DNAJC5B: variants seen among roughly 807,000 people sequenced by gnomAD.
The protein encoded by DNAJC5B is dnaJ homolog subfamily C member 5B.
DNAJC5B carries 23 observed loss-of-function variants against 24.7 expected under a neutral mutation model. That is an observed-to-expected ratio of 0.93 (90% confidence interval 0.67 to 1.32). The LOEUF (loss-of-function observed/expected upper bound fraction) is 1.32. DNAJC5B is among the 40% of genes most tolerant of loss of function. The probability of loss-of-function intolerance (pLI) is 0.00; values close to 1 mark genes in which losing one functional copy is unlikely to be tolerated. For synonymous variants in DNAJC5B, 101 were observed against 90.1 expected, an observed-to-expected ratio of 1.12 and a Z score of -0.68; for missense variants, 238 against 240.8, an observed-to-expected ratio of 0.99 and a Z score of 0.08.
intron 4 of DNAJC5B, among the ~76,000 whole-genome samples, chr8:66,077,604 T>C (rs1807496207): frequency 6.6e-6 from 1 of 152,226 alleles, no homozygotes; most frequent in East Asian, 1.9e-4. Context: ...ACATGGGTCA[T>C]ACATGTAGTC....
At chr8:66,093,187 G>A (rs551903961) in intron 5 of DNAJC5B, among the ~76,000 whole-genome samples, 5 of 152,170 alleles carry the variant, frequency 3.3e-5, no homozygotes, top group East Asian at 1.9e-4. Flanking sequence ...CATTACAAAC[G>A]GTGCTGTTAT....
At chr8:66,074,248 G>A (rs185118623) in intron 3 of DNAJC5B, among the ~76,000 whole-genome samples, 3 of 152,326 alleles carry the variant, frequency 2.0e-5, no homozygotes, top group Admixed American at 1.3e-4. Context: ...AGGTGACTCA[G>A]AGACTGGTAG....
intron 3 of DNAJC5B, chr8:66,056,768 C>T (rs1465630333): frequency 1.3e-5 from 2 of 152,226 alleles, no homozygotes; most frequent in Non-Finnish European, 2.9e-5. Flanking sequence ...AAAATCACAA[C>T]TTGAATAAGA....
At chr8:66,029,872 G>A (rs183539324) in intron 1 of DNAJC5B, among the ~76,000 whole-genome samples, 2 of 152,226 alleles carry the variant, frequency 1.3e-5, no homozygotes, top group African/African-American at 2.4e-5. Flanking sequence ...TGACAGTGAG[G>A]GTGGGGGTGG....
At chr8:66,079,581 T>G (rs1421311111) in intron 4 of DNAJC5B, among the ~76,000 whole-genome samples, 1 of 152,104 alleles carries the variant, frequency 6.6e-6, no homozygotes, top group African/African-American at 2.4e-5. Flanking sequence ...AGCAGAGTTA[T>G]AAGGCAATGA....
At chr8:66,035,909 T>C (rs1447607424) in intron 1 of DNAJC5B, among the ~76,000 whole-genome samples, 1 of 152,176 alleles carries the variant, frequency 6.6e-6, no homozygotes, top group East Asian at 1.9e-4. Flanking sequence ...CTCCAGCACA[T>C]GTTTTCTTTA....
chr8:66,016,627 G>A (rs1170039526), upstream of DNAJC5B, among the ~76,000 whole-genome samples: 2 of 152,134 alleles, frequency 1.3e-5, no homozygotes, highest in African/African-American at 4.8e-5. Flanking sequence ...CTCTGCAAAA[G>A]GCCCCACCTC....
rs375321443 is a variant in DNAJC5B, at chr8:66,094,315, G to A, written c.506-5622G>A. 8.7e-4 allele frequency among the ~76,000 whole-genome samples: 132 copies of A among 151,782 alleles called. 5 individuals carry two copies. In the South Asian group the frequency reaches 0.027, roughly 31 times the overall value. On this transcript the variant is annotated intron_variant, in intron 5 of 5. Transcript: ENST00000276570. ...ATCTGAGTCTTTTAATATGTGACATGGTATATTTCACCATTTATTAGCTTT... is the reference window on the plus strand; with the variant it reads ...ATCTGAGTCTTTTAATATGTGACATAGTATATTTCACCATTTATTAGCTTT...
At chr8:66,015,393 T>C in the DNAJC5B span, among the ~76,000 whole-genome samples, 1 of 152,148 alleles carries the variant, frequency 6.6e-6, no homozygotes, top group Non-Finnish European at 1.5e-5. Context: ...AAAGGAAATG[T>C]AGTAGATCAT....
intron 5 of DNAJC5B, among the ~76,000 whole-genome samples, chr8:66,098,341 C>A (rs1807999604): frequency 6.6e-6 from 1 of 152,042 alleles, no homozygotes; most frequent in Non-Finnish European, 1.5e-5. Flanking sequence ...ATACTGGGAC[C>A]ACAGGTGTGT....
At chr8:66,041,669 A>G (rs1806612377) in intron 1 of DNAJC5B, among the ~76,000 whole-genome samples, 1 of 152,230 alleles carries the variant, frequency 6.6e-6, no homozygotes, top group South Asian at 2.1e-4. Context: ...CAATGCTTTT[A>G]CAATACATTT....
At chr8:66,058,915 A>T (rs1054439524) in intron 3 of DNAJC5B, among the ~76,000 whole-genome samples, 2 of 152,130 alleles carry the variant, frequency 1.3e-5, no homozygotes, top group South Asian at 4.2e-4. Context: ...TTTTCAAGGG[A>T]TGCCAAGCTC....
intron 1 of DNAJC5B, among the ~76,000 whole-genome samples, chr8:66,037,721 C>A (rs545272720): frequency 1.3e-5 from 2 of 152,210 alleles, no homozygotes; most frequent in African/African-American, 4.8e-5. Context: ...AAGGAGCACT[C>A]GATCTGCAGG....
At chr8:66,020,194 G>A (rs977051749), upstream of DNAJC5B, among the ~76,000 whole-genome samples, 12 of 152,148 alleles carry the variant, frequency 7.9e-5, no homozygotes, top group African/African-American at 2.4e-4. Flanking sequence ...TTGTGATCTC[G>A]TGCAAGACAC....
At chr8:66,059,494 G>A (rs1807035459) in intron 3 of DNAJC5B, among the ~76,000 whole-genome samples, 4 of 152,188 alleles carry the variant, frequency 2.6e-5, no homozygotes, top group African/African-American at 9.6e-5. Flanking sequence ...TGAGGAGGAG[G>A]GAGAGTCACT....
At chr8:66,083,999 G>A (rs1807663115) in intron 5 of DNAJC5B, among the ~76,000 whole-genome samples, 1 of 152,206 alleles carries the variant, frequency 6.6e-6, no homozygotes, top group Admixed American at 6.5e-5. Flanking sequence ...GAAGGCACAG[G>A]TGAGGGTCCC....
chr8:66,060,585 A>C (rs1052576199), intron 3 of DNAJC5B, among the ~76,000 whole-genome samples: 1 of 152,132 alleles, frequency 6.6e-6, no homozygotes, highest in Non-Finnish European at 1.5e-5. Context: ...AAAGTGTATT[A>C]TTTTACTGTT....
Position 66,089,639 on chromosome 8 carries a change from G to A in DNAJC5B, c.505+9091G>A, listed in dbSNP as rs558426607. On this transcript the variant is annotated intron_variant, in intron 5 of 5. Transcript: ENST00000276570. ...GCTAAAGTCTAAGATACCTTTTGAT[G>A]ATACAAAATTGTATCAATCTTTGTT... Among the ~76,000 whole-genome samples, 85 of 152,218 alleles carry A rather than the reference G, an allele frequency of 5.6e-4. 2 individuals are homozygous for A. The South Asian group carries it at 0.018, about 32-fold the overall frequency.
At chr8:66,068,035 A>G (rs1363390402) in intron 3 of DNAJC5B, among the ~76,000 whole-genome samples, 1 of 152,230 alleles carries the variant, frequency 6.6e-6, no homozygotes, top group Non-Finnish European at 1.5e-5. Context: ...GATCTTTAAT[A>G]TTGGATTAAG....
Sources: gnomAD v4.1 joint callset for allele counts (sites outside exome capture counted in the v4.1 genomes callset) on GRCh38, gnomAD v4.1.1 for gene constraint, MANE v1.5 for transcripts, NCBI Gene and HGNC (gene_info 2026-07-23, HGNC 2026-07-21) for gene names.